Variants in PELI2 observed in about 807,000 individuals in gnomAD.
PELI2 encodes E3 ubiquitin-protein ligase pellino homolog 2.
In PELI2, 23 loss-of-function variants were observed where a neutral mutation model predicts 42.3. The ratio of observed to expected loss-of-function variants is 0.54; its 90% CI spans 0.39 to 0.77. PELI2 has a LOEUF of 0.77. Among genes scored for constraint, PELI2 ranks in the 30% least tolerant of loss-of-function variants. The probability of loss-of-function intolerance (pLI) is 0.00; values close to 1 mark genes in which losing one functional copy is unlikely to be tolerated. For missense variants in PELI2, 463 were observed against 553.2 expected (o/e 0.84, Z 1.64); for synonymous variants, 245 against 212.2 (o/e 1.15, Z -1.34).
At chr14:56,296,375 T>C (rs1017945223) in intron 5 of PELI2, among the ~76,000 whole-genome samples, 1 of 152,200 alleles carries the variant, frequency 6.6e-6, no homozygotes, top group Admixed American at 6.5e-5. Context: ...ATACATACTG[T>C]GCTCAGGGCT....
At chr14:56,228,032 C>T (rs1375640633) in intron 2 of PELI2, among the ~76,000 whole-genome samples, 2 of 152,152 alleles carry the variant, frequency 1.3e-5, no homozygotes, top group Non-Finnish European at 2.9e-5. Flanking sequence ...TTCTAGGCAT[C>T]GAAAATAATG....
chr14:56,263,998 T>A (rs563324329), intron 2 of PELI2, among the ~76,000 whole-genome samples: 1 of 152,324 alleles, frequency 6.6e-6, no homozygotes, highest in East Asian at 1.9e-4. Context: ...TATTCACAGA[T>A]TCCATATTTA....
chr14:56,147,978 C>T (rs1884193744), intron 1 of PELI2, among the ~76,000 whole-genome samples: 1 of 152,168 alleles, frequency 6.6e-6, no homozygotes, highest in Non-Finnish European at 1.5e-5. Context: ...GCTTTAATAG[C>T]ATTAGATGAG....
intron 2 of PELI2, among the ~76,000 whole-genome samples, chr14:56,252,349 C>T (rs1888376644): frequency 1.3e-5 from 2 of 152,198 alleles, no homozygotes; most frequent in Non-Finnish European, 2.9e-5. Context: ...ACTGGGACAC[C>T]TGTTGTATGT....
At chr14:56,241,620 A>G (rs1040869525) in intron 2 of PELI2, among the ~76,000 whole-genome samples, 3 of 152,078 alleles carry the variant, frequency 2.0e-5, no homozygotes, top group Admixed American at 6.6e-5. Context: ...TACATTAACA[A>G]TTTTTTTAAA....
At chr14:56,265,112 T>A (rs1373087975) in intron 2 of PELI2, among the ~76,000 whole-genome samples, 1 of 152,176 alleles carries the variant, frequency 6.6e-6, no homozygotes, top group Non-Finnish European at 1.5e-5. Context: ...CCCAGCAGAC[T>A]TTTTTAAGAG....
At chr14:56,235,853 C>T (rs1887774448) in intron 2 of PELI2, among the ~76,000 whole-genome samples, 1 of 152,212 alleles carries the variant, frequency 6.6e-6, no homozygotes, top group Non-Finnish European at 1.5e-5. Context: ...AAGGGCATTT[C>T]TGCGTACATT....
intron 2 of PELI2, among the ~76,000 whole-genome samples, chr14:56,224,814 C>G (rs1039768160): frequency 1.3e-5 from 2 of 151,738 alleles, no homozygotes; most frequent in Admixed American, 6.6e-5. Context: ...AATGTCAACA[C>G]GTGAAGTATA....
chr14:56,272,124 T>C (rs908298430), intron 2 of PELI2, among the ~76,000 whole-genome samples: 4 of 152,204 alleles, frequency 2.6e-5, no homozygotes, highest in Non-Finnish European at 5.9e-5. Context: ...ATGCAGAGTG[T>C]GCTCATTTCA....
chr14:56,228,804 C>T (rs1887453432), intron 2 of PELI2, among the ~76,000 whole-genome samples: 1 of 152,154 alleles, frequency 6.6e-6, no homozygotes, highest in South Asian at 2.1e-4. Flanking sequence ...GTGGGGTATC[C>T]CCTCACCTGG....
At position 56,181,786 on chromosome 14, in the gene PELI2, CATGT is replaced by C. The variant is rs542270441; in HGVS notation, c.207+3329_207+3332del. Among the ~76,000 whole-genome samples, 430 of 151,798 alleles carry C rather than the reference CATGT, an allele frequency of 2.8e-3. 2 individuals are homozygous for C. Among genetic ancestry groups the C allele is most frequent in the African/African-American group, 9.9e-3 (411 of 41,390 alleles). ...AATCTCTATTTGTGTAGTGTTTATT[CATGT>C]ATGTATTTGCTCTTAGAATAATACT... On this transcript the variant is annotated intron_variant, in intron 2 of 5. Transcript: ENST00000267460.
rs372871625 is a variant in PELI2 at position 56,134,477 on chromosome 14, A to T, written c.77+15740A>T. ...TTTATATGCTTGTATTTATGTTTTC[A>T]CTCTGAATCTTTTGCTTTTCAACTC... On this transcript the variant is annotated intron_variant, in intron 1 of 5. Transcript: ENST00000267460. Among the ~76,000 whole-genome samples the T allele has an allele frequency of 1.4e-4, 21 of 152,024 alleles. 1 individual carries two copies. The highest frequency in any genetic ancestry group is 8.5e-4 in the Admixed American group (13 of 15,276).
rs1887032178 is a variant in PELI2 at position 56,219,168 on chromosome 14, TGAG to T, written c.207+40707_207+40709del. Among the ~76,000 whole-genome samples, 1 of 151,726 alleles carries T rather than the reference TGAG, an allele frequency of 6.6e-6. No homozygotes were observed. The highest frequency in any genetic ancestry group is 1.5e-5 in the Non-Finnish European group (1 of 67,998). On this transcript the variant is annotated intron_variant, in intron 2 of 5. Coordinates refer to ENST00000267460, the MANE Select transcript of PELI2 (RefSeq NM_021255.3). This position sits in a 1 kb window ranked among gnomAD's most constrained non-coding sequence, Gnocchi z 4.1. ...CTTTTTTATTTTTTTTTGGATGACT[TGAG>T]GACAATAAGGTGTTTGTTTATTTAT...
At position 56,178,409 on chromosome 14, in the gene PELI2, C is replaced by G. The variant is rs746817035; in HGVS notation, c.152C>G (p.Ala51Gly). ...SRFALYKRPK[A>G]NGVKPSTVHV... is the part of the protein sequence containing the mutation. ...TTTGCCCTCTACAAGCGGCCCAAGG[C>G]AAATGGTGTCAAACCCAGCACCGTC... Residue 51 changes from alanine (A) to glycine (G), a missense_variant, in exon 2 of 6, where the codon GCA (alanine) becomes GGA (glycine). Physicochemically the swap from Ala to Gly is moderately conservative, Grantham distance 60 (BLOSUM62 0). Around this residue, in one of 3 missense-constraint regions of PELI2, gnomAD observed 343 missense variants for 378.4 expected, o/e 0.91. Transcript: ENST00000267460. 16 of 1,614,176 alleles carry G rather than the reference C, an allele frequency of 9.9e-6. No homozygotes were observed. The East Asian group carries it at 3.6e-4, about 36-fold the overall frequency.
chr14:56,146,480 T>C (rs1884123160), intron 1 of PELI2, among the ~76,000 whole-genome samples: 1 of 152,192 alleles, frequency 6.6e-6, no homozygotes, highest in Non-Finnish European at 1.5e-5. Context: ...CTCATTACTG[T>C]ACTGGAAGTT....
At chr14:56,260,619 A>G (rs1888678242) in intron 2 of PELI2, among the ~76,000 whole-genome samples, 1 of 152,228 alleles carries the variant, frequency 6.6e-6, no homozygotes, top group Non-Finnish European at 1.5e-5. Flanking sequence ...ATGTTAGTAA[A>G]TGTAAACTAT....
In PELI2 at chr14:56,118,459, C is replaced by G. The variant is rs1036466321; in HGVS notation, c.-202C>G. 2 of 309,066 alleles carry G rather than the reference C, an allele frequency of 6.5e-6. No homozygotes were observed. Among genetic ancestry groups the G allele is most frequent in the South Asian group, 3.1e-4 (2 of 6,442 alleles). The allele number at this position is 309,066 out of a possible 1,614,324, so 19.1% of individuals were successfully genotyped here. A position where few individuals can be genotyped will look rare whatever the true frequency, so the allele number is the denominator to read the frequency against. ...CGGGGCGGCCGCGGCGCGCGGAGCT[C>G]CGGGGAGTCAGGCGGAGCAGCCGCG... On this transcript the variant is annotated 5_prime_UTR_variant, in exon 1 of 6. Transcript: ENST00000267460.
intron 1 of PELI2, among the ~76,000 whole-genome samples, chr14:56,143,613 A>G (rs1398528026): frequency 6.6e-6 from 1 of 152,052 alleles, no homozygotes; most frequent in African/African-American, 2.4e-5. Flanking sequence ...TCATTTAAAT[A>G]TTTATTCAGT....
chr14:56,224,010 A>G (rs571015801), intron 2 of PELI2, among the ~76,000 whole-genome samples: 7 of 152,238 alleles, frequency 4.6e-5, no homozygotes, highest in Non-Finnish European at 8.8e-5. Context: ...CATAGTCTAC[A>G]AAATAGTGGG....
Sources: gnomAD v4.1 joint callset for allele counts (sites outside exome capture counted in the v4.1 genomes callset) on GRCh38, gnomAD v4.1.1 for gene constraint, gnomAD v4.1.1 regional missense constraint, Gnocchi (gnomAD v3.1) non-coding constraint, MANE v1.5 for transcripts, NCBI Gene and HGNC (gene_info 2026-07-23, HGNC 2026-07-21) for gene names.